CREB3L2: variants seen among roughly 807,000 people sequenced by gnomAD.
CREB3L2 encodes cAMP responsive element binding protein 3 like 2, also known as cyclic AMP-responsive element-binding protein 3-like protein 2.
In CREB3L2, 23 loss-of-function variants were observed where a neutral mutation model predicts 57.2. That is an observed-to-expected ratio of 0.40 (90% CI 0.29 to 0.57). The LOEUF (loss-of-function observed/expected upper bound fraction) is 0.57. Among genes scored for constraint, CREB3L2 ranks in the 20% least tolerant of loss-of-function variants. The pLI is 0.42. For synonymous variants in CREB3L2, 268 were observed against 265.1 expected, an observed-to-expected ratio of 1.01 and a Z score of -0.11; for missense variants, 628 against 634.7, an observed-to-expected ratio of 0.99 and a Z score of 0.11.
intron 1 of CREB3L2, among the ~76,000 whole-genome samples, chr7:137,964,806 TG>T (rs1190219945): frequency 6.6e-6 from 1 of 152,222 alleles, no homozygotes; most frequent in Non-Finnish European, 1.5e-5. Context: ...GGGAGGGACC[TG>T]GAAGGAGATA....
chr7:137,901,292 A>C (rs1333769848), intron 8 of CREB3L2, 62 bp downstream of exon 8: 2 of 1,087,890 alleles, frequency 1.8e-6, no homozygotes, highest in Non-Finnish European at 2.8e-6. Flanking sequence ...TCTGGATTCT[A>C]TCCTCTTCCT....
chr7:137,924,371 C>G (rs559210422), intron 2 of CREB3L2, among the ~76,000 whole-genome samples: 80 of 152,300 alleles, frequency 5.3e-4, no homozygotes, highest in African/African-American at 1.9e-3. Flanking sequence ...CTCTGAACAG[C>G]CCTCATCCAG....
At position 137,967,410 on chromosome 7, in the gene CREB3L2, A is replaced by G. The variant is rs374919253; in HGVS notation, c.102+34194T>C. On this transcript the variant is annotated intron_variant, in intron 1 of 11. Transcript: ENST00000330387. ...CCTAACTTTGGGCCAAGGACTCAGG[A>G]AGAAAAGAGCCTCTGGAATGTTATC... 2.1e-4 allele frequency among the ~76,000 whole-genome samples: 32 copies of G among 152,280 alleles called. No homozygotes were observed. The East Asian group carries it at 3.3e-3, about 16-fold the overall frequency.
chr7:137,925,759 C>T (rs1800441099), intron 2 of CREB3L2, among the ~76,000 whole-genome samples: 1 of 152,232 alleles, frequency 6.6e-6, no homozygotes, highest in South Asian at 2.1e-4. Flanking sequence ...ATCCACACTG[C>T]CTCACTCTGA....
At chr7:137,916,791 A>G (rs1295544954) in intron 2 of CREB3L2, among the ~76,000 whole-genome samples, 1 of 151,750 alleles carries the variant, frequency 6.6e-6, no homozygotes, top group Non-Finnish European at 1.5e-5. Flanking sequence ...TGAGAGTGAG[A>G]GCGAGAGCGA....
At chr7:137,934,833 A>G (rs1800746543) in intron 1 of CREB3L2, among the ~76,000 whole-genome samples, 1 of 152,196 alleles carries the variant, frequency 6.6e-6, no homozygotes, top group Non-Finnish European at 1.5e-5. Context: ...GAAACCTCCT[A>G]ATAGGATTGA....
intron 3 of CREB3L2, among the ~76,000 whole-genome samples, chr7:137,915,616 T>A (rs781101063): frequency 6.6e-5 from 10 of 152,300 alleles, no homozygotes; most frequent in Admixed American, 3.9e-4. Context: ...GAAATCAGCT[T>A]AGCTACTAAT....
In CREB3L2 at chr7:137,922,410, ATATATG is replaced by A. The variant is rs1427198117; in HGVS notation, c.319+5734_319+5739del. On this transcript the variant is annotated intron_variant, in intron 2 of 11. Coordinates refer to ENST00000330387, the MANE Select transcript of CREB3L2 (RefSeq NM_194071.4). ...TATATATATATATATATATATATAT[ATATATG>A]TATATATATATATATATATACGTAT... Among the ~76,000 whole-genome samples the A allele has an allele frequency of 0.011, 279 of 25,840 alleles. 7 individuals are homozygous for A. In the East Asian group the frequency reaches 0.2, roughly 19 times the overall value. The allele number at this position is 25,840 out of a possible 152,430, so 17.0% of individuals were successfully genotyped here.
intron 1 of CREB3L2, among the ~76,000 whole-genome samples, chr7:137,931,352 C>T (rs956660373): frequency 3.3e-5 from 5 of 151,456 alleles, no homozygotes; most frequent in Admixed American, 2.6e-4. Context: ...GAAACTCTAT[C>T]TCTGCTAAAA....
chr7:137,951,328 C>A (rs1426034006), intron 1 of CREB3L2, among the ~76,000 whole-genome samples: 1 of 152,142 alleles, frequency 6.6e-6, no homozygotes, highest in East Asian at 1.9e-4. Flanking sequence ...TGATAGCACT[C>A]TTGGCTGTAG....
At chr7:137,955,461 T>G (rs188984981) in intron 1 of CREB3L2, 7 of 416,232 alleles carry the variant, frequency 1.7e-5, no homozygotes, top group Admixed American at 1.7e-4. Context: ...TCAGAAATAC[T>G]CATGGAGTCT....
At chr7:137,932,922 C>G (rs779624482) in intron 1 of CREB3L2, among the ~76,000 whole-genome samples, 1 of 152,230 alleles carries the variant, frequency 6.6e-6, no homozygotes. Context: ...CCTAAGCCGT[C>G]GCTTCTGACT....
In CREB3L2 at chr7:137,908,302, G is replaced by T; in HGVS notation, c.718C>A (p.Pro240Thr). ...PQTHSPSRAA[P>T]RAPSALSSSP... ...CTGGAGAGGGCGGAGGGGGCCCGGG[G>T]TGCAGCTCTGGAGGGGCTGTGGGTC... The change falls in exon 5 of 12, where the codon CCC becomes ACC. Residue 240 changes from proline to threonine, a missense_variant. Pro to Thr is a conservative substitution (Grantham distance 38). This residue lies in a region of CREB3L2 where 339 missense variants were observed against 355.4 expected (regional missense o/e 0.95). Transcript: ENST00000330387. 1 of 1,257,812 alleles carries T rather than the reference G, an allele frequency of 8.0e-7. No homozygotes were observed. The highest frequency in any genetic ancestry group is 1.0e-6 in the Non-Finnish European group (1 of 992,190). The allele number at this position is 1,257,812 out of a possible 1,614,324, so 77.9% of individuals were successfully genotyped here.
At chr7:137,922,407 T>TACACACAC (rs1800322734) in intron 2 of CREB3L2, among the ~76,000 whole-genome samples, 3 of 24,874 alleles carry the variant, frequency 1.2e-4, no homozygotes, top group Admixed American at 6.1e-4. Flanking sequence ...TATATATATA[T>TACACACAC]ATATATATGT....
Position 137,878,365 on chromosome 7 carries a change from C to T in CREB3L2, c.*2111G>A, listed in dbSNP as rs750786593. ...CCTTTCCTTCCTCATTGCCCAAATG[C>T]TACTTGAGTAAATCTTATCTTTTTG... On this transcript the variant is annotated 3_prime_UTR_variant, in exon 12 of 12. Transcript: ENST00000330387. 6.9e-5 allele frequency: 16 copies of T among 232,876 alleles called. No homozygotes were observed. Among genetic ancestry groups the T allele is most frequent in the Admixed American group, 1.7e-4 (3 of 17,772 alleles). The allele number at this position is 232,876 out of a possible 1,614,324, so 14.4% of individuals were successfully genotyped here. A position where few individuals can be genotyped will look rare whatever the true frequency, so the allele number is the denominator to read the frequency against.
chr7:137,946,657 TGCTATATATATAA>T (rs917409682), intron 1 of CREB3L2, among the ~76,000 whole-genome samples: 11 of 149,992 alleles, frequency 7.3e-5, no homozygotes, highest in African/African-American at 1.2e-4. Context: ...TTAGGTGTAG[TGCTATATATATAA>T]GCTATATATA....
intron 1 of CREB3L2, among the ~76,000 whole-genome samples, chr7:137,986,776 G>A (rs1402035818): frequency 6.6e-6 from 1 of 152,230 alleles, no homozygotes; most frequent in Non-Finnish European, 1.5e-5. Context: ...CTGTATTTCA[G>A]TCAAAAGGAA....
At chr7:137,942,171 T>C (rs971187995) in intron 1 of CREB3L2, among the ~76,000 whole-genome samples, 1 of 152,218 alleles carries the variant, frequency 6.6e-6, no homozygotes, top group Non-Finnish European at 1.5e-5. Flanking sequence ...TAACCAGCAA[T>C]TATAATTTTT....
At chr7:137,918,143 G>C (rs1402107098) in intron 2 of CREB3L2, among the ~76,000 whole-genome samples, 1 of 152,188 alleles carries the variant, frequency 6.6e-6, no homozygotes, top group Non-Finnish European at 1.5e-5. Context: ...GAGAGACAGA[G>C]ACCGCATAGA....
Sources: gnomAD v4.1 joint callset for allele counts (sites outside exome capture counted in the v4.1 genomes callset) on GRCh38, gnomAD v4.1.1 for gene constraint, gnomAD v4.1.1 regional missense constraint, MANE v1.5 for transcripts, NCBI Gene and HGNC (gene_info 2026-07-23, HGNC 2026-07-21) for gene names.